HSPA12A: variants seen among roughly 807,000 people sequenced by gnomAD.
The protein encoded by HSPA12A is heat shock protein family A (Hsp70) member 12A.
Under a neutral mutation model 69.2 loss-of-function variants are expected in HSPA12A, and 28 were observed. That is an observed-to-expected ratio of 0.40 (90% CI 0.30 to 0.55). HSPA12A has a LOEUF of 0.55. Ranked by LOEUF, HSPA12A falls within the 20% of genes least tolerant of loss-of-function variation. The probability of loss-of-function intolerance (pLI) is 0.38; values close to 1 mark genes in which losing one functional copy is unlikely to be tolerated. For missense variants in HSPA12A, 686 were observed against 900.7 expected, an observed-to-expected ratio of 0.76 and a Z score of 3.05; for synonymous variants, 345 against 370.5, an observed-to-expected ratio of 0.93 and a Z score of 0.79.
At position 116,694,264 on chromosome 10, in the gene HSPA12A, G is replaced by A. The variant is rs191405309; in HGVS notation, c.547-1797C>T. On this transcript the variant is annotated intron_variant, in intron 5 of 11. Transcript: ENST00000369209. ...GGCTTCATTTCTGTGACTCTTGGAC[G>A]TCCCACTTGAGTAGGTATCCTGCCT... Among the ~76,000 whole-genome samples, 262 of 152,208 alleles carry A rather than the reference G, an allele frequency of 1.7e-3. 3 individuals carry two copies. The highest frequency in any genetic ancestry group is 5.9e-3 in the African/African-American group (243 of 41,520).
intron 2 of HSPA12A, among the ~76,000 whole-genome samples, chr10:116,768,384 G>T (rs1844127532): frequency 6.6e-6 from 1 of 152,156 alleles, no homozygotes; most frequent in Non-Finnish European, 1.5e-5. Context: ...TAGGTACAGG[G>T]TTTCTCTTTG....
intron 3 of HSPA12A, among the ~76,000 whole-genome samples, chr10:116,704,225 G>T (rs1303684144): frequency 6.6e-6 from 1 of 152,146 alleles, no homozygotes; most frequent in African/African-American, 2.4e-5. Context: ...GTCCAACAAC[G>T]GTAGACTAGA....
intron 1 of HSPA12A, among the ~76,000 whole-genome samples, chr10:116,836,170 T>C (rs1387313324): frequency 3.3e-5 from 5 of 152,112 alleles, no homozygotes; most frequent in African/African-American, 4.8e-5. Flanking sequence ...GGGCCCAGGC[T>C]GGTTGTTTAG....
rs948140374 is a variant in HSPA12A at position 116,723,527 on chromosome 10, A to G, written c.41-16242T>C. ...TCTGTCTCAGGTCTCAGTTTCCACA[A>G]GTACGTACCAGGCTAACAACTGTCT... is the stretch of plus-strand genomic sequence containing the variant. On this transcript the variant is annotated intron_variant, in intron 1 of 11. Transcript: ENST00000369209. This position sits in a 1 kb window ranked among gnomAD's most constrained non-coding sequence, Gnocchi z 4.1. Among the ~76,000 whole-genome samples the G allele has an allele frequency of 6.6e-6, 1 of 152,148 alleles. No individual in the cohort carries two copies. The highest frequency in any genetic ancestry group is 1.5e-5 in the Non-Finnish European group (1 of 68,024).
chr10:116,814,769 A>C (rs1187959505), intron 2 of HSPA12A, among the ~76,000 whole-genome samples: 1 of 152,220 alleles, frequency 6.6e-6, no homozygotes, highest in African/African-American at 2.4e-5. Context: ...CCATTGCGAG[A>C]TTGGGATCAT....
At chr10:116,787,777 G>A (rs1844609198) in intron 2 of HSPA12A, among the ~76,000 whole-genome samples, 1 of 152,198 alleles carries the variant, frequency 6.6e-6, no homozygotes, top group South Asian at 2.1e-4. Flanking sequence ...AGGAAAGAAG[G>A]GAAGAGAGTG....
chr10:116,802,691 C>A (rs1014490483), intron 2 of HSPA12A, among the ~76,000 whole-genome samples: 5 of 152,224 alleles, frequency 3.3e-5, no homozygotes, highest in African/African-American at 1.2e-4. Context: ...AGGAAGGGGG[C>A]AGCTTATCCC....
intron 2 of HSPA12A, among the ~76,000 whole-genome samples, chr10:116,759,237 C>T (rs1035793821): frequency 1.3e-5 from 2 of 152,200 alleles, no homozygotes; most frequent in African/African-American, 4.8e-5. Flanking sequence ...AATAACAAGT[C>T]ATTTCAGAGG....
chr10:116,756,776 G>A (rs1554888826), intron 2 of HSPA12A, among the ~76,000 whole-genome samples: 1 of 152,178 alleles, frequency 6.6e-6, no homozygotes, highest in African/African-American at 2.4e-5. Flanking sequence ...TGTATTACAA[G>A]GATAAATACA....
chr10:116,684,728 T>C (rs369401330), intron 6 of HSPA12A, among the ~76,000 whole-genome samples: 6 of 152,326 alleles, frequency 3.9e-5, no homozygotes, highest in Admixed American at 1.3e-4. Context: ...CATATAGTAA[T>C]AAATATTCCT....
Position 116,671,383 on chromosome 10 carries a change from C to T in HSPA12A, c.*3398G>A, listed in dbSNP as rs1849070409. 1 of 152,116 alleles carries T rather than the reference C, an allele frequency of 6.6e-6. No homozygotes were observed. Among genetic ancestry groups the T allele is most frequent in the Non-Finnish European group, 1.5e-5 (1 of 68,036 alleles). 9.4% of individuals were successfully genotyped at this position (152,116 alleles called of 1,614,324 possible). ...GCAGATGAGAGGTGTGGCATTATGG[C>T]CAACAACTTTTATATTAGCCATCCA... is the stretch of plus-strand genomic sequence containing the variant. On this transcript the variant is annotated 3_prime_UTR_variant, in exon 12 of 12. Transcript: ENST00000369209.
chr10:116,704,161 G>A (rs1252381202), intron 3 of HSPA12A, among the ~76,000 whole-genome samples: 1 of 152,174 alleles, frequency 6.6e-6, no homozygotes, highest in African/African-American at 2.4e-5. Context: ...ACATGCACAC[G>A]TATGTTTATA....
At position 116,719,674 on chromosome 10, in the gene HSPA12A, A is replaced by G. The variant is rs531004709; in HGVS notation, c.41-12389T>C. Among the ~76,000 whole-genome samples the G allele has an allele frequency of 9.2e-5, 14 of 152,374 alleles. No homozygotes were observed. In the South Asian group the frequency reaches 2.5e-3, roughly 27 times the overall value. On this transcript the variant is annotated intron_variant, in intron 1 of 11. Transcript: ENST00000369209. ...ACTTCCCAGGATTAATGAGGATTAA[A>G]TAAGAATAATGCAGGCAAAAGTCTT...
At chr10:116,742,359 G>A (rs970810821) in intron 1 of HSPA12A, 71 bp downstream of exon 1, 3 of 1,384,934 alleles carry the variant, frequency 2.2e-6, no homozygotes, top group South Asian at 2.9e-5. Flanking sequence ...GGTGCGGAGC[G>A]TTGGGCCAAG....
rs919602184 is a variant in HSPA12A, at chr10:116,732,199, G to A, written c.40+10231C>T. ...TACAAAATTAGCTGGGTGTGGTGGT[G>A]CATGCCTGTAATTGCAGCTATTCCA... On this transcript the variant is annotated intron_variant, in intron 1 of 11. Transcript: ENST00000369209. Among the ~76,000 whole-genome samples the A allele has an allele frequency of 3.3e-5, 5 of 151,990 alleles. No individual in the cohort carries two copies. In the East Asian group the frequency reaches 9.7e-4, roughly 29 times the overall value.
Position 116,675,237 on chromosome 10 carries a change from G to A in HSPA12A, c.1572C>T (p.Asp524=). ...ILKGAVLFGL[D]PAVIKVRRSP... is the part of the protein sequence containing the mutation. ...ACCGGCGCACCTTGATGACCGCGGGGTCCAGGCCAAAGAGGACGGCACCCT... is the reference window on the plus strand; with the variant it reads ...ACCGGCGCACCTTGATGACCGCGGGATCCAGGCCAAAGAGGACGGCACCCT... The change falls in exon 12 of 12, where the codon GAC becomes GAT. Residue 524 remains aspartate (D), a synonymous_variant. Coordinates refer to ENST00000369209, the MANE Select transcript of HSPA12A (RefSeq NM_025015.3). This position sits in a 1 kb window ranked among gnomAD's most constrained non-coding sequence, Gnocchi z 5.2. The A allele has an allele frequency of 6.2e-7, 1 of 1,613,722 alleles. No homozygotes were observed. Among genetic ancestry groups the A allele is most frequent in the South Asian group, 1.1e-5 (1 of 91,080 alleles).
At chr10:116,805,882 G>C (rs2133175359) in intron 2 of HSPA12A, among the ~76,000 whole-genome samples, 1 of 152,328 alleles carries the variant, frequency 6.6e-6, no homozygotes, top group East Asian at 1.9e-4. Flanking sequence ...TGCGTAAAAG[G>C]ATTCAAGAAT....
At chr10:116,679,372 G>A in intron 10 of HSPA12A, 131 bp downstream of exon 10, 1 of 1,046,262 alleles carries the variant, frequency 9.6e-7, no homozygotes, top group East Asian at 2.4e-5. Flanking sequence ...AAGAGAAGTT[G>A]AGTCCCTTGC....
chr10:116,778,504 G>A (rs1554891393), intron 2 of HSPA12A, among the ~76,000 whole-genome samples: 1 of 152,164 alleles, frequency 6.6e-6, no homozygotes, highest in Admixed American at 6.5e-5. Context: ...GCTCCTGAAG[G>A]AGCTCAGGCT....
Sources: gnomAD v4.1 joint callset for allele counts (sites outside exome capture counted in the v4.1 genomes callset) on GRCh38, gnomAD v4.1.1 for gene constraint, Gnocchi (gnomAD v3.1) non-coding constraint, MANE v1.5 for transcripts, NCBI Gene and HGNC (gene_info 2026-07-23, HGNC 2026-07-21) for gene names.